Variants in CADPS observed in about 807,000 individuals in gnomAD.
CADPS encodes calcium-dependent secretion activator 1.
In CADPS, 57 loss-of-function variants were observed where a neutral mutation model predicts 167.3. The observed-to-expected ratio is 0.34, with a 90% CI of 0.28 to 0.42. The LOEUF is 0.42. CADPS is among the 20% of genes least tolerant of loss of function. CADPS has a pLI of 1.00. For synonymous variants in CADPS, 676 were observed against 635.3 expected, an observed-to-expected ratio of 1.06 and a Z score of -0.96; for missense variants, 1,414 against 1,738.1, an observed-to-expected ratio of 0.81 and a Z score of 3.32.
chr3:62,573,083 T>G (rs1380877998), intron 8 of CADPS, among the ~76,000 whole-genome samples: 1 of 152,168 alleles, frequency 6.6e-6, no homozygotes, highest in Non-Finnish European at 1.5e-5. Context: ...GGTTTCACCA[T>G]GTTGACTAGG....
Position 62,874,531 on chromosome 3 carries a change from A to T in CADPS, c.441+58T>A. 1.5e-6 allele frequency: 2 copies of T among 1,354,310 alleles called. No individual in the cohort carries two copies. The highest frequency in any genetic ancestry group is 2.6e-5 in the South Asian group (2 of 76,514). 83.9% of individuals were successfully genotyped at this position (1,354,310 alleles called of 1,614,324 possible). A position where few individuals can be genotyped will look rare whatever the true frequency, so the allele number is the denominator to read the frequency against. ...GCTGCGCCGCCAGCTCCCATTGTTC[A>T]CCCCGCCCGCCTGGCGACGTCCGGG... On this transcript the variant is annotated intron_variant, in intron 1 of 29. Coordinates refer to ENST00000383710, the MANE Select transcript of CADPS (RefSeq NM_003716.4). This position sits in a 1 kb window ranked among gnomAD's most constrained non-coding sequence, Gnocchi z 7.1.
intron 13 of CADPS, among the ~76,000 whole-genome samples, chr3:62,525,166 C>G (rs1333763263): frequency 6.6e-6 from 1 of 151,612 alleles, no homozygotes; most frequent in African/African-American, 2.4e-5. Flanking sequence ...AAAGATTGCA[C>G]CAATGGAATA....
chr3:62,495,852 G>C lies in CADPS; in HGVS notation c.2707-2187C>G, dbSNP rs371478011. ...TGACCACTGCTACCATATACCGCAT[G>C]TGTGTGCATATGATGTACTCTTAGC... On this transcript the variant is annotated intron_variant, in intron 18 of 29. Coordinates refer to ENST00000383710, the MANE Select transcript of CADPS (RefSeq NM_003716.4). Among the ~76,000 whole-genome samples the C allele has an allele frequency of 2.0e-5, 3 of 152,208 alleles. No individual in the cohort carries two copies. In the East Asian group the frequency reaches 5.8e-4, roughly 29 times the overall value.
At chr3:62,599,861 A>AT (rs1562720145) in intron 6 of CADPS, among the ~76,000 whole-genome samples, 2 of 53,782 alleles carry the variant, frequency 3.7e-5, no homozygotes, top group Non-Finnish European at 6.3e-5. Context: ...TAATATATAT[A>AT]ATATATAATA....
At chr3:62,844,558 A>G (rs1048235443) in intron 1 of CADPS, among the ~76,000 whole-genome samples, 1 of 152,166 alleles carries the variant, frequency 6.6e-6, no homozygotes, top group African/African-American at 2.4e-5. Flanking sequence ...GACACACAAC[A>G]TCCAAGCTTG....
At chr3:62,489,756 T>C (rs565682598) in intron 21 of CADPS, among the ~76,000 whole-genome samples, 10 of 152,340 alleles carry the variant, frequency 6.6e-5, no homozygotes, top group African/African-American at 2.4e-4. Context: ...ACCATTGTTA[T>C]TTTAAAACGT....
intron 3 of CADPS, among the ~76,000 whole-genome samples, chr3:62,705,103 C>G (rs2082090699): frequency 6.6e-6 from 1 of 152,076 alleles, no homozygotes; most frequent in Admixed American, 6.6e-5. Context: ...AGGAGGGGCT[C>G]TGGGAGACAC....
chr3:62,418,733 T>C (rs2050709318), intron 28 of CADPS, among the ~76,000 whole-genome samples: 1 of 151,940 alleles, frequency 6.6e-6, no homozygotes, highest in Non-Finnish European at 1.5e-5. Flanking sequence ...CTCCCACCTT[T>C]GAACTCAAGG....
At chr3:62,698,547 C>T (rs183472434) in intron 3 of CADPS, among the ~76,000 whole-genome samples, 52 of 152,068 alleles carry the variant, frequency 3.4e-4, no homozygotes, top group Admixed American at 3.1e-3. Context: ...ACTCAGGGCT[C>T]GTCTTTTGCC....
intron 28 of CADPS, among the ~76,000 whole-genome samples, chr3:62,422,490 C>G (rs967022021): frequency 5.9e-5 from 9 of 152,010 alleles, no homozygotes; most frequent in Non-Finnish European, 1.0e-4. Context: ...TCCTTCCTTT[C>G]TCTTTCTTTT....
intron 1 of CADPS, among the ~76,000 whole-genome samples, chr3:62,782,593 A>G (rs559769757): frequency 5.9e-5 from 9 of 152,288 alleles, no homozygotes; most frequent in Non-Finnish European, 1.0e-4. Context: ...TTTGGCCATG[A>G]ATGATGGTCA....
chr3:62,567,661 G>A (rs1465188386), intron 9 of CADPS, among the ~76,000 whole-genome samples: 5 of 124,786 alleles, frequency 4.0e-5, no homozygotes, highest in Admixed American at 1.1e-4. Flanking sequence ...TGCAGCCTCC[G>A]CCTCCTGGGT....
At position 62,514,385 on chromosome 3, in the gene CADPS, C is replaced by T. The variant is rs997205394; in HGVS notation, c.2582-1617G>A. Among the ~76,000 whole-genome samples, 1 of 151,910 alleles carries T rather than the reference C, an allele frequency of 6.6e-6. No homozygotes were observed. The highest frequency in any genetic ancestry group is 1.5e-5 in the Non-Finnish European group (1 of 67,966). On this transcript the variant is annotated intron_variant, in intron 16 of 29. Transcript: ENST00000383710. The surrounding 1 kb of genome is among the most constrained non-coding windows in gnomAD (Gnocchi z 4.2). ...TTTTGCAGAGGTCACATTAAAGTGG[C>T]TGAGCCAATCACGGACAAGGAAGGA...
chr3:62,630,108 T>C (rs1326951126), intron 6 of CADPS, among the ~76,000 whole-genome samples: 1 of 152,210 alleles, frequency 6.6e-6, no homozygotes, highest in Non-Finnish European at 1.5e-5. Context: ...GGGTGGAGAC[T>C]GTGTCTGTCT....
chr3:62,428,957 G>A (rs1233874764), intron 28 of CADPS, among the ~76,000 whole-genome samples: 1 of 152,206 alleles, frequency 6.6e-6, no homozygotes, highest in Non-Finnish European at 1.5e-5. Context: ...AAATGTCAGT[G>A]GTGCCAAAGA....
chr3:62,532,829 A>G, intron 13 of CADPS, 42 bp downstream of exon 13: 1 of 1,587,210 alleles, frequency 6.3e-7, no homozygotes, highest in Non-Finnish European at 8.6e-7. Context: ...TGCCAGTGCC[A>G]TTTCTTAAGG....
chr3:62,744,743 A>G (rs1384442407), intron 3 of CADPS, among the ~76,000 whole-genome samples: 1 of 152,258 alleles, frequency 6.6e-6, no homozygotes, highest in Non-Finnish European at 1.5e-5. Context: ...ATACTTATGA[A>G]TCCATTTTGG....
At chr3:62,843,447 C>A (rs2076919606) in intron 1 of CADPS, among the ~76,000 whole-genome samples, 1 of 151,590 alleles carries the variant, frequency 6.6e-6, no homozygotes, top group Admixed American at 6.6e-5. Flanking sequence ...AACTGAATTA[C>A]AAAATACCCC....
intron 1 of CADPS, among the ~76,000 whole-genome samples, chr3:62,797,540 T>C (rs372686876): frequency 2.3e-4 from 35 of 152,264 alleles, no homozygotes; most frequent in African/African-American, 7.9e-4. Context: ...TGGAGGCCAT[T>C]AGCCTTAGCA....
Sources: gnomAD v4.1 joint callset for allele counts (sites outside exome capture counted in the v4.1 genomes callset) on GRCh38, gnomAD v4.1.1 for gene constraint, Gnocchi (gnomAD v3.1) non-coding constraint, MANE v1.5 for transcripts, NCBI Gene and HGNC (gene_info 2026-07-23, HGNC 2026-07-21) for gene names.